Variants in GALNT13 observed in about 807,000 individuals in gnomAD.
The protein encoded by GALNT13 is polypeptide N-acetylgalactosaminyltransferase 13.
A neutral mutation model predicts 64.2 loss-of-function variants in GALNT13; 28 were observed. The observed-to-expected ratio is 0.44, with a 90% CI of 0.32 to 0.60. The LOEUF is 0.60. Among genes scored for constraint, GALNT13 ranks in the 20% least tolerant of loss-of-function variants. The pLI is 0.05. For synonymous variants in GALNT13, 214 were observed against 224.6 expected (o/e 0.95, Z 0.42); for missense variants, 577 against 669.8 (o/e 0.86, Z 1.53).
At chr2:153,298,362 A>G in the GALNT13 span, among the ~76,000 whole-genome samples, 3 of 152,262 alleles carry the variant, frequency 2.0e-5, no homozygotes, top group African/African-American at 7.2e-5. Flanking sequence ...AGATCACATG[A>G]CACCTCCTGC....
At chr2:154,021,119 T>G (rs1042825669) in intron 3 of GALNT13, among the ~76,000 whole-genome samples, 2 of 152,218 alleles carry the variant, frequency 1.3e-5, no homozygotes, top group Non-Finnish European at 2.9e-5. Context: ...TAGTATAGTT[T>G]GAAGTCAGGT....
intron 4 of GALNT13, among the ~76,000 whole-genome samples, chr2:154,150,553 T>C (rs1326586558): frequency 6.6e-6 from 1 of 152,150 alleles, no homozygotes; most frequent in Non-Finnish European, 1.5e-5. Flanking sequence ...TGAATCCATC[T>C]GGTCCTGGAC....
At chr2:153,714,202 G>A in the GALNT13 span, among the ~76,000 whole-genome samples, 7 of 152,152 alleles carry the variant, frequency 4.6e-5, no homozygotes, top group East Asian at 7.8e-4. Context: ...TTGATAGTCC[G>A]ACTGAGACAG....
At chr2:153,229,122 G>T in the GALNT13 span, among the ~76,000 whole-genome samples, 2 of 152,050 alleles carry the variant, frequency 1.3e-5, no homozygotes, top group Non-Finnish European at 2.9e-5. Context: ...TTATGGGTGG[G>T]GCATACACTA....
At chr2:154,214,251 C>T (rs1687927031) in intron 4 of GALNT13, among the ~76,000 whole-genome samples, 1 of 152,130 alleles carries the variant, frequency 6.6e-6, no homozygotes, top group Non-Finnish European at 1.5e-5. Context: ...AAATGCTGTC[C>T]AGTCTTCCTC....
chr2:153,412,209 C>T, the GALNT13 span, among the ~76,000 whole-genome samples: 1 of 152,060 alleles, frequency 6.6e-6, no homozygotes, highest in Non-Finnish European at 1.5e-5. Flanking sequence ...TTATTTCTGT[C>T]CCTCTAGGGA....
the GALNT13 span, among the ~76,000 whole-genome samples, chr2:153,538,067 T>C: frequency 1.3e-5 from 2 of 152,092 alleles, no homozygotes; most frequent in Non-Finnish European, 2.9e-5. Context: ...GTGGGAAAGT[T>C]TGGAACTCCC....
intron 8 of GALNT13, among the ~76,000 whole-genome samples, chr2:154,296,299 T>A (rs2105971992): frequency 6.6e-6 from 1 of 152,320 alleles, no homozygotes; most frequent in Non-Finnish European, 1.5e-5. Flanking sequence ...GTCTCTCTTT[T>A]ACTAGGGTCA....
intron 3 of GALNT13, among the ~76,000 whole-genome samples, chr2:154,057,401 T>A (rs1221424576): frequency 6.6e-6 from 1 of 152,208 alleles, no homozygotes; most frequent in Admixed American, 6.5e-5. Flanking sequence ...AAAAACAAAA[T>A]GTACTGTGAG....
intron 12 of GALNT13, among the ~76,000 whole-genome samples, chr2:154,445,557 T>G (rs1701523831): frequency 6.6e-6 from 1 of 151,958 alleles, no homozygotes; most frequent in Non-Finnish European, 1.5e-5. Context: ...TCTTAAAAAA[T>G]CAAGCTATAT....
chr2:153,869,022 G>A (rs1685808143), upstream of GALNT13, among the ~76,000 whole-genome samples: 3 of 152,020 alleles, frequency 2.0e-5, no homozygotes, highest in Admixed American at 2.0e-4. Flanking sequence ...TTACTACAAA[G>A]AATTAACACA....
At chr2:154,197,850 T>G (rs965136485) in intron 4 of GALNT13, among the ~76,000 whole-genome samples, 1 of 151,924 alleles carries the variant, frequency 6.6e-6, no homozygotes, top group Non-Finnish European at 1.5e-5. Context: ...TAAAAGACAT[T>G]GATCTAGTAT....
the GALNT13 span, among the ~76,000 whole-genome samples, chr2:153,831,889 G>A: frequency 6.6e-6 from 1 of 152,036 alleles, no homozygotes; most frequent in Non-Finnish European, 1.5e-5. Context: ...TTCTATACTC[G>A]TGTGACATAT....
the GALNT13 span, among the ~76,000 whole-genome samples, chr2:153,456,047 C>G: frequency 6.6e-6 from 1 of 152,158 alleles, no homozygotes; most frequent in Non-Finnish European, 1.5e-5. Context: ...GGCCAAGCCA[C>G]TTCTCTGCGA....
intron 1 of GALNT13, among the ~76,000 whole-genome samples, chr2:153,876,664 A>G (rs1239288672): frequency 6.6e-6 from 1 of 152,142 alleles, no homozygotes; most frequent in Non-Finnish European, 1.5e-5. Context: ...TAGCTTGATT[A>G]CCAAGAAATG....
intron 3 of GALNT13, among the ~76,000 whole-genome samples, chr2:154,120,698 T>G (rs574545485): frequency 6.6e-6 from 1 of 152,278 alleles, no homozygotes; most frequent in African/African-American, 2.4e-5. Context: ...CTTCCTGTCT[T>G]GGTCAATCCA....
the GALNT13 span, among the ~76,000 whole-genome samples, chr2:153,217,399 ATT>A: frequency 6.6e-6 from 1 of 151,918 alleles, no homozygotes; most frequent in Non-Finnish European, 1.5e-5. Flanking sequence ...CTAGTCTATT[ATT>A]GTTTTCCAAG....
At chr2:153,316,281 G>A in the GALNT13 span, among the ~76,000 whole-genome samples, 13 of 151,954 alleles carry the variant, frequency 8.6e-5, no homozygotes, top group Middle Eastern at 6.8e-3. Context: ...AACTCCTACC[G>A]CCACTCTGAC....
the GALNT13 span, among the ~76,000 whole-genome samples, chr2:153,472,172 A>G: frequency 2.0e-5 from 3 of 152,192 alleles, no homozygotes; most frequent in Non-Finnish European, 4.4e-5. Context: ...ATAAAAATCA[A>G]TGACTCTTTC....
Sources: allele counts gnomAD v4.1 joint callset (sites outside exome capture counted in the v4.1 genomes callset), GRCh38; gene constraint gnomAD v4.1.1; transcripts MANE v1.5; gene names NCBI Gene and HGNC (gene_info 2026-07-23, HGNC 2026-07-21).